The following PPA2 variants were observed in gnomAD, a reference collection of about 807,000 sequenced individuals.
PPA2 encodes inorganic pyrophosphatase 2, mitochondrial.
Under a neutral mutation model 49.5 loss-of-function variants are expected in PPA2, and 48 were observed. That is an observed-to-expected ratio of 0.97 (90% CI 0.77 to 1.23). The LOEUF is 1.23. Ranked by LOEUF, PPA2 falls within the 50% of genes most tolerant of loss-of-function variation. The probability of loss-of-function intolerance (pLI) is 0.00; values close to 1 mark genes in which losing one functional copy is unlikely to be tolerated. For synonymous variants in PPA2, 131 were observed against 139.9 expected, an observed-to-expected ratio of 0.94 and a Z score of 0.45; for missense variants, 429 against 410.1, an observed-to-expected ratio of 1.05 and a Z score of -0.40.
intron 3 of PPA2, 98 bp downstream of exon 3, chr4:105,453,499 GT>G: frequency 5.4e-6 from 5 of 919,454 alleles, no homozygotes; most frequent in Non-Finnish European, 7.8e-6. Context: ...TCTTGCAGGG[GT>G]AAAAACCTTA....
At chr4:105,424,721 A>G (rs1723413402) in intron 6 of PPA2, among the ~76,000 whole-genome samples, 1 of 152,196 alleles carries the variant, frequency 6.6e-6, no homozygotes, top group Admixed American at 6.5e-5. Flanking sequence ...AAACCACAGC[A>G]GAGAGAAAGG....
intron 7 of PPA2, among the ~76,000 whole-genome samples, chr4:105,401,081 T>C (rs1734343972): frequency 6.6e-6 from 1 of 152,132 alleles, no homozygotes; most frequent in Non-Finnish European, 1.5e-5. Flanking sequence ...CAACAGTCAG[T>C]TCAATAACCC....
intron 1 of PPA2, among the ~76,000 whole-genome samples, chr4:105,461,702 GTCAC>G (rs1323328119): frequency 1.3e-5 from 2 of 152,298 alleles, no homozygotes; most frequent in East Asian, 3.9e-4. Context: ...TTTCTCAACA[GTCAC>G]TCAATTTCTC....
chr4:105,473,072 T>C (rs145941505), intron 1 of PPA2, among the ~76,000 whole-genome samples: 2 of 152,236 alleles, frequency 1.3e-5, no homozygotes, highest in Non-Finnish European at 2.9e-5. Flanking sequence ...ATACTACCAC[T>C]CCAAGGCTCT....
chr4:105,429,828 T>C (rs1723715325), intron 6 of PPA2, among the ~76,000 whole-genome samples: 1 of 152,156 alleles, frequency 6.6e-6, no homozygotes. Context: ...TAGTGAAAAG[T>C]AAAACATAAT....
At chr4:105,416,459 AG>A (rs1020811290) in intron 7 of PPA2, among the ~76,000 whole-genome samples, 5 of 152,352 alleles carry the variant, frequency 3.3e-5, no homozygotes, top group African/African-American at 1.2e-4. Flanking sequence ...ACTTTACTAA[AG>A]GAAGTGATGT....
chr4:105,446,321 G>T, intron 5 of PPA2, 62 bp downstream of exon 5: 2 of 1,490,926 alleles, frequency 1.3e-6, no homozygotes, highest in Non-Finnish European at 1.8e-6. Context: ...GTAGTTCACA[G>T]GATTTATAAG....
At chr4:105,443,877 TC>T (rs1724487640) in intron 5 of PPA2, among the ~76,000 whole-genome samples, 3 of 152,144 alleles carry the variant, frequency 2.0e-5, no homozygotes, top group Admixed American at 2.0e-4. Flanking sequence ...CACTACTTGT[TC>T]CCTCACTTCC....
intron 10 of PPA2, among the ~76,000 whole-genome samples, chr4:105,377,758 CT>C (rs1307957409): frequency 2.6e-5 from 4 of 152,032 alleles, no homozygotes; most frequent in Non-Finnish European, 5.9e-5. Context: ...TATACATTAG[CT>C]TGCATTTCCT....
At chr4:105,434,270 G>A (rs540101080) in intron 6 of PPA2, among the ~76,000 whole-genome samples, 1 of 152,164 alleles carries the variant, frequency 6.6e-6, no homozygotes, top group African/African-American at 2.4e-5. Context: ...TGGCACATTG[G>A]ACCAAAAGAT....
intron 10 of PPA2, among the ~76,000 whole-genome samples, chr4:105,371,870 T>A (rs1480224813): frequency 1.3e-5 from 2 of 152,178 alleles, no homozygotes; most frequent in East Asian, 1.9e-4. Context: ...TGTGTCTGGA[T>A]GCAGCAGAGG....
chr4:105,398,173 T>A (rs1734221819), intron 8 of PPA2: 1 of 152,026 alleles, frequency 6.6e-6, no homozygotes, highest in Non-Finnish European at 1.5e-5. Flanking sequence ...AAATTTCAAT[T>A]ATCTCAATAA....
intron 5 of PPA2, among the ~76,000 whole-genome samples, chr4:105,445,149 G>T (rs1398010673): frequency 6.6e-6 from 1 of 152,106 alleles, no homozygotes; most frequent in Non-Finnish European, 1.5e-5. Context: ...AATGTTTAAA[G>T]AAATAAATAC....
rs1026305097 is a variant in PPA2, at chr4:105,458,488, A to AAAC, written c.158-1746_158-1744dup. Among the ~76,000 whole-genome samples, 9 of 152,226 alleles carry AAAC rather than the reference A, an allele frequency of 5.9e-5. No individual in the cohort carries two copies. The South Asian group carries it at 1.0e-3, about 18-fold the overall frequency. ...AAATTATTCCAAAATGAAGTTTATTAAACAACAACAACAACAAATAAGCCC... is the reference window on the plus strand; with the variant it reads ...AAATTATTCCAAAATGAAGTTTATTAAACAACAACAACAACAACAAATAAGCCC... On this transcript the variant is annotated intron_variant, in intron 1 of 11. Coordinates refer to ENST00000341695, the MANE Select transcript of PPA2 (RefSeq NM_176869.3).
At chr4:105,466,429 A>G (rs1407540655) in intron 1 of PPA2, among the ~76,000 whole-genome samples, 1 of 152,096 alleles carries the variant, frequency 6.6e-6, no homozygotes, top group Non-Finnish European at 1.5e-5. Flanking sequence ...ACATATCATA[A>G]GCACTATAAA....
intron 10 of PPA2, among the ~76,000 whole-genome samples, chr4:105,385,197 C>A (rs1213666361): frequency 1.3e-5 from 2 of 152,188 alleles, no homozygotes; most frequent in Non-Finnish European, 2.9e-5. Flanking sequence ...ATTTTATCCC[C>A]TTGTCCCTGC....
At chr4:105,403,090 C>G (rs1176830411) in intron 7 of PPA2, among the ~76,000 whole-genome samples, 1 of 152,002 alleles carries the variant, frequency 6.6e-6, no homozygotes, top group Non-Finnish European at 1.5e-5. Context: ...ACTGTGCAAT[C>G]ACGGCTCACT....
chr4:105,473,226 C>T (rs576994517), intron 1 of PPA2: 3 of 163,960 alleles, frequency 1.8e-5, no homozygotes, highest in South Asian at 1.4e-4. Flanking sequence ...CAGGGACCCC[C>T]CCGAAGTCGC....
intron 6 of PPA2, among the ~76,000 whole-genome samples, chr4:105,431,309 A>G (rs942389981): frequency 1.3e-5 from 2 of 152,226 alleles, no homozygotes; most frequent in Admixed American, 6.5e-5. Context: ...ATTTTTTTAA[A>G]TGCATTATTT....
Sources: gnomAD v4.1 joint callset for allele counts (sites outside exome capture counted in the v4.1 genomes callset) on GRCh38, gnomAD v4.1.1 for gene constraint, MANE v1.5 for transcripts, NCBI Gene and HGNC (gene_info 2026-07-23, HGNC 2026-07-21) for gene names.